Variants in COG5 observed in about 807,000 individuals in gnomAD.
The protein encoded by COG5 is component of oligomeric golgi complex 5.
Under a neutral mutation model 110.4 loss-of-function variants are expected in COG5, and 86 were observed. The ratio of observed to expected loss-of-function variants is 0.78; its 90% CI spans 0.65 to 0.93. The LOEUF is 0.93. Ranked by LOEUF, COG5 falls within the 40% of genes least tolerant of loss-of-function variation. The probability of loss-of-function intolerance (pLI) is 0.00; values close to 1 mark genes in which losing one functional copy is unlikely to be tolerated. For missense variants in COG5, 1,077 were observed against 987.0 expected (o/e 1.09, Z -1.22); for synonymous variants, 360 against 334.6 (o/e 1.08, Z -0.83).
chr7:107,395,626 C>T (rs911626831), intron 7 of COG5, among the ~76,000 whole-genome samples: 1 of 127,794 alleles, frequency 7.8e-6, no homozygotes, highest in Non-Finnish European at 1.5e-5. Flanking sequence ...AAGACCTCGG[C>T]TTACTGCAAC....
intron 10 of COG5, among the ~76,000 whole-genome samples, chr7:107,333,247 G>A (rs1019073607): frequency 1.3e-5 from 2 of 152,070 alleles, no homozygotes; most frequent in African/African-American, 2.4e-5. Flanking sequence ...TCCTGGCAAA[G>A]CAAATAAAAT....
chr7:107,509,887 C>A (rs569823391), intron 6 of COG5, among the ~76,000 whole-genome samples: 6 of 152,100 alleles, frequency 3.9e-5, no homozygotes, highest in Admixed American at 3.3e-4. Context: ...CCTAAAAGAG[C>A]TCCTGAAAGA....
rs78031552 is a variant in COG5, at chr7:107,424,043, C to T, written c.539-11411G>A. ...ATCCTGACACTTCTGGAGGCTGAGG[C>T]TGGCGGACTGCCCGAGCTCACGAGT... is the stretch of plus-strand genomic sequence containing the variant. On this transcript the variant is annotated intron_variant, in intron 6 of 21. Transcript: ENST00000297135. 1.1e-3 allele frequency among the ~76,000 whole-genome samples: 170 copies of T among 152,236 alleles called. 1 individual carries two copies. The highest frequency in any genetic ancestry group is 3.8e-3 in the African/African-American group (158 of 41,536).
At chr7:107,535,411 A>G (rs1287450917) in intron 5 of COG5, among the ~76,000 whole-genome samples, 1 of 151,298 alleles carries the variant, frequency 6.6e-6, no homozygotes, top group Non-Finnish European at 1.5e-5. Flanking sequence ...AAAATAAACC[A>G]CTAGCCAGAC....
At chr7:107,223,922 T>C (rs1489094549) in intron 19 of COG5, among the ~76,000 whole-genome samples, 2 of 152,162 alleles carry the variant, frequency 1.3e-5, no homozygotes, top group African/African-American at 4.8e-5. Context: ...TGGTATAAAA[T>C]AAATAACCAA....
intron 21 of COG5, among the ~76,000 whole-genome samples, chr7:107,206,716 G>C (rs1455779265): frequency 6.6e-6 from 1 of 150,862 alleles, no homozygotes; most frequent in Non-Finnish European, 1.5e-5. Context: ...AAGACATCAC[G>C]TAAGTTACAC....
chr7:107,432,995 A>G (rs1794131019), intron 6 of COG5, among the ~76,000 whole-genome samples: 1 of 152,228 alleles, frequency 6.6e-6, no homozygotes, highest in East Asian at 1.9e-4. Flanking sequence ...TGTAGGATAC[A>G]AAATCAACAC....
intron 7 of COG5, among the ~76,000 whole-genome samples, chr7:107,406,565 A>T (rs1791853148): frequency 6.6e-6 from 1 of 152,126 alleles, no homozygotes; most frequent in Non-Finnish European, 1.5e-5. Context: ...ACAATAAAAT[A>T]TCTAATATAT....
At chr7:107,507,465 T>C (rs1040017578) in intron 6 of COG5, among the ~76,000 whole-genome samples, 1 of 135,046 alleles carries the variant, frequency 7.4e-6, no homozygotes, top group Non-Finnish European at 1.6e-5. Context: ...AGCTAATTTT[T>C]TGTATTTTTT....
intron 14 of COG5, among the ~76,000 whole-genome samples, chr7:107,276,548 G>C (rs1804716505): frequency 6.6e-6 from 1 of 152,160 alleles, no homozygotes. Flanking sequence ...GGCATGCCCA[G>C]AGGCTGAAGC....
chr7:107,302,472 T>G (rs1227814418), intron 11 of COG5, among the ~76,000 whole-genome samples: 2 of 152,174 alleles, frequency 1.3e-5, no homozygotes, highest in Non-Finnish European at 2.9e-5. Context: ...TTCAGGGGTG[T>G]ACTCATATGT....
At chr7:107,424,197 C>G (rs1237289890) in intron 6 of COG5, among the ~76,000 whole-genome samples, 1 of 152,014 alleles carries the variant, frequency 6.6e-6, no homozygotes, top group East Asian at 1.9e-4. Context: ...CACTTGAACC[C>G]AGGAGACAGA....
chr7:107,559,061 A>G (rs1803570158), intron 1 of COG5, among the ~76,000 whole-genome samples: 1 of 151,964 alleles, frequency 6.6e-6, no homozygotes, highest in Non-Finnish European at 1.5e-5. Context: ...AGATATCTCT[A>G]GATCAATACA....
intron 6 of COG5, among the ~76,000 whole-genome samples, chr7:107,444,192 A>G (rs375498342): frequency 3.3e-4 from 51 of 152,264 alleles, no homozygotes; most frequent in African/African-American, 1.1e-3. Flanking sequence ...ATAAGTCTCT[A>G]TATTCTATAT....
chr7:107,328,979 G>GA (rs1326640860), intron 10 of COG5, among the ~76,000 whole-genome samples: 25 of 152,104 alleles, frequency 1.6e-4, no homozygotes, highest in African/African-American at 5.5e-4. Context: ...CGCCACCACT[G>GA]AAACGCCAGC....
At chr7:107,563,256 A>C (rs1584974118) in intron 1 of COG5, among the ~76,000 whole-genome samples, 1 of 151,906 alleles carries the variant, frequency 6.6e-6, no homozygotes, top group Admixed American at 6.6e-5. Context: ...AATGTCTCAA[A>C]CCCTCCCCCA....
intron 19 of COG5, among the ~76,000 whole-genome samples, chr7:107,215,464 G>A (rs1308244208): frequency 1.3e-5 from 2 of 152,026 alleles, no homozygotes; most frequent in Non-Finnish European, 2.9e-5. Context: ...TCAGGAGATC[G>A]AGACCATGCT....
Position 107,438,531 on chromosome 7 carries a change from G to A in COG5, c.539-25899C>T, listed in dbSNP as rs182500409. ...GTGCACTGCACACGTTAGCAAACTT[G>A]CTTGTTTTTCTCTTCTTACTCTGTC... On this transcript the variant is annotated intron_variant, in intron 6 of 21. Coordinates refer to ENST00000297135, the MANE Select transcript of COG5 (RefSeq NM_006348.5). Among the ~76,000 whole-genome samples the A allele has an allele frequency of 1.8e-3, 276 of 152,316 alleles. 1 individual carries two copies. Among genetic ancestry groups the A allele is most frequent in the South Asian group, 5.8e-3 (28 of 4,830 alleles).
intron 11 of COG5, among the ~76,000 whole-genome samples, chr7:107,309,399 G>A (rs990654190): frequency 9.9e-5 from 15 of 152,046 alleles, no homozygotes; most frequent in Non-Finnish European, 1.9e-4. Flanking sequence ...ACACTTTAGG[G>A]ATCCATCTCA....
Sources: gnomAD v4.1 joint callset for allele counts (sites outside exome capture counted in the v4.1 genomes callset) on GRCh38, gnomAD v4.1.1 for gene constraint, MANE v1.5 for transcripts, NCBI Gene and HGNC (gene_info 2026-07-23, HGNC 2026-07-21) for gene names.